FRMD4A: variants seen among roughly 807,000 people sequenced by gnomAD.
FRMD4A encodes the protein FERM domain containing 4A, also known as FERM domain-containing protein 4A.
In FRMD4A, 29 loss-of-function variants were observed where a neutral mutation model predicts 129.1. The ratio of observed to expected loss-of-function variants is 0.22; its 90% CI spans 0.17 to 0.31. The LOEUF is 0.31. Ranked by LOEUF, FRMD4A falls within the 10% of genes least tolerant of loss-of-function variation. The pLI is 1.00. For missense variants in FRMD4A, 1,272 were observed against 1,375.8 expected (o/e 0.92, Z 1.19); for synonymous variants, 634 against 571.6 (o/e 1.11, Z -1.56).
In FRMD4A at chr10:14,123,067, G is replaced by T. The variant is rs1413264191; in HGVS notation, c.45+206991C>A. Among the ~76,000 whole-genome samples, 4 of 151,698 alleles carry T rather than the reference G, an allele frequency of 2.6e-5. No individual in the cohort carries two copies. The East Asian group carries it at 7.7e-4, about 29-fold the overall frequency. ...AACTTCATTATACTATTCTATTTTT[G>T]AATATATTTGGAAATTTCAATATTA... On this transcript the variant is annotated intron_variant, in intron 2 of 24. Coordinates refer to ENST00000357447, the MANE Select transcript of FRMD4A (RefSeq NM_018027.5).
chr10:14,100,044 C>T (rs1266759048), intron 2 of FRMD4A, among the ~76,000 whole-genome samples: 1 of 152,228 alleles, frequency 6.6e-6, no homozygotes, highest in African/African-American at 2.4e-5. Flanking sequence ...CTCTGGTTTT[C>T]ACCCCCACGT....
intron 2 of FRMD4A, among the ~76,000 whole-genome samples, chr10:14,285,977 G>A (rs1235022): frequency 0.52 from 79,108 of 152,058 alleles, 21,327 homozygotes; most frequent in African/African-American, 0.67. Flanking sequence ...CCAAAAAAAT[G>A]CAAAATGGTG....
intron 12 of FRMD4A, among the ~76,000 whole-genome samples, chr10:13,720,191 G>T (rs1397291797): frequency 2.0e-5 from 3 of 152,180 alleles, no homozygotes; most frequent in Admixed American, 6.5e-5. Flanking sequence ...TCAGACTACA[G>T]GTGCGCGCCA....
intron 14 of FRMD4A, among the ~76,000 whole-genome samples, chr10:13,695,309 T>G (rs902496052): frequency 2.0e-5 from 3 of 151,966 alleles, no homozygotes; most frequent in African/African-American, 7.3e-5. Context: ...CCCAGCTAAT[T>G]TTTATATTTT....
At chr10:13,809,850 A>C (rs1168018532) in intron 4 of FRMD4A, among the ~76,000 whole-genome samples, 1 of 152,182 alleles carries the variant, frequency 6.6e-6, no homozygotes, top group East Asian at 1.9e-4. Context: ...AAGTCATAAG[A>C]CCACCCCTTC....
At chr10:14,119,379 A>G (rs1838374425) in intron 2 of FRMD4A, among the ~76,000 whole-genome samples, 1 of 152,178 alleles carries the variant, frequency 6.6e-6, no homozygotes, top group Non-Finnish European at 1.5e-5. Context: ...GTGGGGCCAA[A>G]CCCCAGGTAC....
At chr10:13,714,018 T>TATA (rs1388464733) in intron 12 of FRMD4A, among the ~76,000 whole-genome samples, 6,826 of 10,212 alleles carry the variant, frequency 0.67, 1,955 homozygotes, top group Middle Eastern at 0.81. Flanking sequence ...TATACATATA[T>TATA]AAAATATACA....
intron 2 of FRMD4A, among the ~76,000 whole-genome samples, chr10:14,174,968 T>C (rs1353961614): frequency 1.3e-5 from 2 of 151,478 alleles, no homozygotes; most frequent in Non-Finnish European, 2.9e-5. Context: ...AAATCAGGAT[T>C]GACTGTTTCA....
At chr10:13,745,618 G>A (rs1370117164) in intron 9 of FRMD4A, among the ~76,000 whole-genome samples, 1 of 152,216 alleles carries the variant, frequency 6.6e-6, no homozygotes, top group African/African-American at 2.4e-5. Flanking sequence ...AGCAGATAAT[G>A]GAGATGGTGA....
chr10:13,679,474 TACACACACACAC>T (rs59818032), intron 15 of FRMD4A, among the ~76,000 whole-genome samples: 5 of 31,466 alleles, frequency 1.6e-4, no homozygotes, highest in Non-Finnish European at 2.6e-4. Flanking sequence ...TATATATATA[TACACACACACAC>T]ACACACACAC....
At chr10:13,711,154 G>C (rs1007504206) in intron 12 of FRMD4A, among the ~76,000 whole-genome samples, 2 of 152,216 alleles carry the variant, frequency 1.3e-5, no homozygotes, top group African/African-American at 4.8e-5. Context: ...TAGGGACCAG[G>C]AGGGTGGAAG....
At chr10:13,995,396 C>A (rs200267538) in intron 2 of FRMD4A, among the ~76,000 whole-genome samples, 5 of 152,144 alleles carry the variant, frequency 3.3e-5, no homozygotes, top group African/African-American at 1.2e-4. Flanking sequence ...ACCAGCCTGG[C>A]CAACATAATG....
chr10:13,656,864 GCGA>G lies in FRMD4A; in HGVS notation c.2722_2724del (p.Ser908del). 2 of 1,491,312 alleles carry G rather than the reference GCGA, an allele frequency of 1.3e-6. No individual in the cohort carries two copies. The highest frequency in any genetic ancestry group is 2.6e-5 in the South Asian group (2 of 76,882). 92.4% of individuals were successfully genotyped at this position (1,491,312 alleles called of 1,614,324 possible). Reference sequence around the variant, plus strand: ...TTGTCGTGGGCGCCCTCGCGGCCCAGCGACGGAGTCCGCAGGATCTGCGATCGC... The same window carrying G: ...TTGTCGTGGGCGCCCTCGCGGCCCAGCGGAGTCCGCAGGATCTGCGATCGC... On this transcript the variant is annotated inframe_deletion, in exon 22 of 25. Coordinates refer to ENST00000357447, the MANE Select transcript of FRMD4A (RefSeq NM_018027.5).
At chr10:14,148,951 T>C (rs772248480) in intron 2 of FRMD4A, among the ~76,000 whole-genome samples, 1 of 152,142 alleles carries the variant, frequency 6.6e-6, no homozygotes, top group Non-Finnish European at 1.5e-5. Flanking sequence ...CAAATATGGA[T>C]GCTCACACAC....
At chr10:14,055,462 A>AC (rs1834476616) in intron 2 of FRMD4A, among the ~76,000 whole-genome samples, 1 of 77,430 alleles carries the variant, frequency 1.3e-5, no homozygotes, top group South Asian at 4.1e-4. Context: ...CACACACACA[A>AC]ACACACACAC....
chr10:13,867,865 T>C (rs2094393688), intron 2 of FRMD4A, among the ~76,000 whole-genome samples: 1 of 140,328 alleles, frequency 7.1e-6, no homozygotes, highest in Admixed American at 7.7e-5. Context: ...ATATATAATG[T>C]AATATATAAT....
At chr10:14,120,673 G>A (rs1157952662) in intron 2 of FRMD4A, among the ~76,000 whole-genome samples, 2 of 152,208 alleles carry the variant, frequency 1.3e-5, no homozygotes, top group Admixed American at 6.5e-5. Flanking sequence ...AGTGGAGGGT[G>A]AGGGGGAAAA....
chr10:13,787,107 G>A (rs2092884469), intron 5 of FRMD4A, among the ~76,000 whole-genome samples: 2 of 152,070 alleles, frequency 1.3e-5, no homozygotes, highest in Admixed American at 6.5e-5. Context: ...GGGCAGAGAA[G>A]GTACAGGAAA....
intron 2 of FRMD4A, among the ~76,000 whole-genome samples, chr10:14,329,515 A>G (rs1004878229): frequency 2.0e-5 from 3 of 152,236 alleles, no homozygotes; most frequent in Admixed American, 2.0e-4. Flanking sequence ...AAGGTTGGCC[A>G]TCAATGGTAG....
Sources: allele counts gnomAD v4.1 joint callset (sites outside exome capture counted in the v4.1 genomes callset), GRCh38; gene constraint gnomAD v4.1.1; transcripts MANE v1.5; gene names NCBI Gene and HGNC (gene_info 2026-07-23, HGNC 2026-07-21).